The following PHIP variants were observed in gnomAD, a reference collection of about 807,000 sequenced individuals.
PHIP encodes the protein PHIP subunit of CUL4-Ring ligase complex.
Under a neutral mutation model 236.8 loss-of-function variants are expected in PHIP, and 54 were observed. The observed-to-expected ratio is 0.23, with a 90% CI of 0.18 to 0.29. PHIP has a LOEUF of 0.29. PHIP is among the 10% of genes least tolerant of loss of function. The pLI is 1.00. For synonymous variants in PHIP, 756 were observed against 718.9 expected, an observed-to-expected ratio of 1.05 and a Z score of -0.83; for missense variants, 1,370 against 2,190.8, an observed-to-expected ratio of 0.63 and a Z score of 7.48.
At position 78,988,219 on chromosome 6, in the gene PHIP, C is replaced by G; in HGVS notation, c.2450G>C (p.Ser817Thr). ...RPSEEIENGSSSSDEGEVVAV... is the reference protein window; with the variant it reads ...RPSEEIENGSTSSDEGEVVAV... The stretch of plus-strand genomic sequence containing the variant: ...GTGCTGATATCTTACATCTGAAGAA[C>G]TACTGCCATTTTCTATCTCTTCTGA... Residue 817 changes from serine to threonine, a missense_variant, in exon 21 of 40, where the codon AGT becomes ACT. This residue lies in a region of PHIP where 99 missense variants were observed against 110.0 expected (regional missense o/e 0.90). Coordinates refer to ENST00000275034, the MANE Select transcript of PHIP (RefSeq NM_017934.7). 6.3e-7 allele frequency: 1 copy of G among 1,576,052 alleles called. No individual in the cohort carries two copies. The highest frequency in any genetic ancestry group is 1.2e-5 in the South Asian group (1 of 82,834).
chr6:79,043,294 T>C (rs559381353), intron 6 of PHIP, among the ~76,000 whole-genome samples: 1 of 151,480 alleles, frequency 6.6e-6, no homozygotes, highest in African/African-American at 2.4e-5. Flanking sequence ...TCAGATTTAT[T>C]TACTCTCTGG....
At chr6:79,070,346 T>C (rs534511304) in intron 4 of PHIP, among the ~76,000 whole-genome samples, 1 of 152,294 alleles carries the variant, frequency 6.6e-6, no homozygotes, top group Non-Finnish European at 1.5e-5. Flanking sequence ...CCAATGTAAA[T>C]AATCTTGAAT....
intron 39 of PHIP, among the ~76,000 whole-genome samples, chr6:78,943,040 T>C (rs144142282): frequency 6.6e-6 from 1 of 152,286 alleles, no homozygotes; most frequent in East Asian, 1.9e-4. Flanking sequence ...TAAATTTCAA[T>C]TTAAATACCA....
intron 4 of PHIP, among the ~76,000 whole-genome samples, chr6:79,065,855 C>G (rs1773597472): frequency 6.6e-6 from 1 of 151,106 alleles, no homozygotes; most frequent in Non-Finnish European, 1.5e-5. Context: ...TCTACTTTTT[C>G]TAAACATTCT....
intron 24 of PHIP, among the ~76,000 whole-genome samples, chr6:78,971,861 C>G (rs1335459609): frequency 3.3e-5 from 5 of 151,976 alleles, no homozygotes; most frequent in African/African-American, 1.2e-4. Flanking sequence ...TATCCCGCAC[C>G]TGGCTCGGAG....
Position 79,078,172 on chromosome 6 carries a change from C to A in PHIP, c.-104G>T. 8.6e-7 allele frequency: 1 copy of A among 1,159,718 alleles called. No homozygotes were observed. Among genetic ancestry groups the A allele is most frequent in the Non-Finnish European group, 1.2e-6 (1 of 813,014 alleles). 71.8% of individuals were successfully genotyped at this position (1,159,718 alleles called of 1,614,324 possible). On this transcript the variant is annotated 5_prime_UTR_variant, in exon 1 of 40. Transcript: ENST00000275034. ...ATAGCTGTCAGTGTGTGTTCACGAG[C>A]CGAGCTTCGGCTCCACCATTCAAGC...
chr6:78,993,924 T>C (rs904739614), intron 19 of PHIP, among the ~76,000 whole-genome samples: 6 of 152,332 alleles, frequency 3.9e-5, no homozygotes, highest in East Asian at 1.9e-4. Flanking sequence ...GCAAAATACA[T>C]TGAAAACCTT....
At chr6:78,952,440 A>AGAAAAAAAAAAAG (rs1293359841) in intron 35 of PHIP, among the ~76,000 whole-genome samples, 9 of 143,856 alleles carry the variant, frequency 6.3e-5, no homozygotes, top group Admixed American at 5.4e-4. Flanking sequence ...AAAAAAAAAA[A>AGAAAAAAAAAAAG]GAAAAAAAAA....
At chr6:79,036,175 T>C (rs1047229301) in intron 7 of PHIP, among the ~76,000 whole-genome samples, 1 of 152,224 alleles carries the variant, frequency 6.6e-6, no homozygotes, top group African/African-American at 2.4e-5. Context: ...CTAGAATCCA[T>C]AAACAAGACT....
At chr6:78,955,332 T>C (rs1342308560) in intron 33 of PHIP, 50 bp from the exon 34 acceptor site, 2 of 1,277,784 alleles carry the variant, frequency 1.6e-6, no homozygotes, top group Non-Finnish European at 1.1e-6. Context: ...GATGTCATTA[T>C]ACTTTATAGT....
At chr6:78,968,357 A>G (rs751828714) in intron 27 of PHIP, among the ~76,000 whole-genome samples, 2 of 152,186 alleles carry the variant, frequency 1.3e-5, no homozygotes, top group Non-Finnish European at 2.9e-5. Context: ...CTACTTATAC[A>G]CAGATTTTTC....
At chr6:78,952,044 T>C (rs896562035) in intron 35 of PHIP, among the ~76,000 whole-genome samples, 6 of 152,364 alleles carry the variant, frequency 3.9e-5, no homozygotes, top group African/African-American at 1.2e-4. Flanking sequence ...TTGAGTTTTT[T>C]TCACTCTTAT....
chr6:78,983,833 G>C (rs1302082502), intron 22 of PHIP, among the ~76,000 whole-genome samples: 1 of 152,012 alleles, frequency 6.6e-6, no homozygotes, highest in African/African-American at 2.4e-5. Context: ...AATCATGTTT[G>C]TCATTTCTTT....
chr6:79,019,269 T>C (rs746149541), intron 9 of PHIP, 110 bp from the exon 10 acceptor site: 4 of 736,210 alleles, frequency 5.4e-6, no homozygotes, highest in African/African-American at 1.8e-5. Flanking sequence ...AAGCAACAGA[T>C]GGCTCCCTTC....
At chr6:79,040,507 A>G (rs1772153888) in intron 7 of PHIP, among the ~76,000 whole-genome samples, 2 of 152,160 alleles carry the variant, frequency 1.3e-5, no homozygotes, top group African/African-American at 2.4e-5. Context: ...TCCAAAAATA[A>G]TAACAGTATG....
At position 79,060,826 on chromosome 6, in the gene PHIP, G is replaced by A. The variant is rs1210616204; in HGVS notation, c.190-8C>T. The A allele has an allele frequency of 3.2e-6, 5 of 1,568,836 alleles. No homozygotes were observed. Among genetic ancestry groups the A allele is most frequent in the Non-Finnish European group, 4.3e-6 (5 of 1,151,766 alleles). On this transcript the variant is annotated splice_region_variant and splice_polypyrimidine_tract_variant and intron_variant, in intron 4 of 39. Coordinates refer to ENST00000275034, the MANE Select transcript of PHIP (RefSeq NM_017934.7). ...GTGTCTGTAATACTTCACCTATTATGTAAAAGACAAATATAGTAGGTTTCA... is the reference window on the plus strand; with the variant it reads ...GTGTCTGTAATACTTCACCTATTATATAAAAGACAAATATAGTAGGTTTCA...
chr6:79,022,941 T>C (rs1771194234), intron 9 of PHIP, among the ~76,000 whole-genome samples: 1 of 152,236 alleles, frequency 6.6e-6, no homozygotes, highest in Non-Finnish European at 1.5e-5. Flanking sequence ...TTGCCTTTGA[T>C]TATTAATTAA....
intron 4 of PHIP, among the ~76,000 whole-genome samples, chr6:79,069,667 A>C (rs990239339): frequency 6.6e-6 from 1 of 152,078 alleles, no homozygotes. Context: ...CGTAGATTTG[A>C]TTAAAAACTT....
chr6:78,959,375 T>C (rs1411877124), intron 31 of PHIP, among the ~76,000 whole-genome samples: 3 of 152,118 alleles, frequency 2.0e-5, no homozygotes, highest in Non-Finnish European at 4.4e-5. Flanking sequence ...GCATTTCAAA[T>C]AGATTCACAA....
Sources: gnomAD v4.1 joint callset for allele counts (sites outside exome capture counted in the v4.1 genomes callset) on GRCh38, gnomAD v4.1.1 for gene constraint, gnomAD v4.1.1 regional missense constraint, MANE v1.5 for transcripts, NCBI Gene and HGNC (gene_info 2026-07-23, HGNC 2026-07-21) for gene names.